The following DMD variants were observed in gnomAD, a reference collection of about 807,000 sequenced individuals.
DMD encodes dystrophin, also known as mutant dystrophin.
Under a neutral mutation model 330.1 loss-of-function variants are expected in DMD, and 63 were observed. That is an observed-to-expected ratio of 0.19 (90% CI 0.16 to 0.24). The LOEUF is 0.24. DMD is among the 10% of genes least tolerant of loss of function. The pLI, the probability that DMD is intolerant of heterozygous loss-of-function variation, is 1.00. For synonymous variants in DMD, 1,223 were observed against 959.8 expected (o/e 1.27, Z -5.07); for missense variants, 3,344 against 2,684.1 (o/e 1.25, Z -5.43).
chrX:31,260,085 T>C (rs1211860136), intron 63 of DMD, among the ~76,000 whole-genome samples: 1 of 110,931 alleles, frequency 9.0e-6, no homozygotes, highest in Non-Finnish European at 1.9e-5. Flanking sequence ...AAAATAAATT[T>C]TAAAAATGAG....
chrX:32,509,787 T>A (rs1164640679), intron 18 of DMD, among the ~76,000 whole-genome samples: 1 of 111,976 alleles, frequency 8.9e-6, no homozygotes, highest in Non-Finnish European at 1.9e-5. Flanking sequence ...CCTTTGCAGG[T>A]TCCTAATCAT....
chrX:32,717,103 G>T (rs2065812392), intron 7 of DMD, among the ~76,000 whole-genome samples: 1 of 110,998 alleles, frequency 9.0e-6, no homozygotes, highest in Non-Finnish European at 1.9e-5. Context: ...TTCTCGGGGT[G>T]GTGGGGGAAA....
At chrX:31,894,570 A>G (rs1165830519) in intron 47 of DMD, among the ~76,000 whole-genome samples, 1 of 112,001 alleles carries the variant, frequency 8.9e-6, no homozygotes, top group Admixed American at 9.5e-5. Context: ...GGGCATCTTT[A>G]TAATATTTGT....
At chrX:32,871,090 C>T (rs1280087933) in intron 2 of DMD, among the ~76,000 whole-genome samples, 2 of 109,276 alleles carry the variant, frequency 1.8e-5, no homozygotes, top group Non-Finnish European at 3.8e-5. Context: ...CCGTAAGCTT[C>T]GACCTCAGCC....
chrX:31,904,780 C>T (rs777628615), intron 47 of DMD, among the ~76,000 whole-genome samples: 1 of 111,368 alleles, frequency 9.0e-6, no homozygotes, highest in African/African-American at 3.3e-5. Context: ...TGAGAGACCC[C>T]GAAGCAAAGA....
rs191504485 is a variant in DMD at position 31,952,698 on chromosome X, G to A, written c.6614+15641C>T. On this transcript the variant is annotated intron_variant, in intron 45 of 78. Coordinates refer to ENST00000357033, the MANE Select transcript of DMD (RefSeq NM_004006.3). ...TTTAAGTCTCTATCTGCCAATACCTGGGCCAATTCAGAGACAACTTTTGTT... is the reference window on the plus strand; with the variant it reads ...TTTAAGTCTCTATCTGCCAATACCTAGGCCAATTCAGAGACAACTTTTGTT... Among the ~76,000 whole-genome samples, 20 of 111,587 alleles carry A rather than the reference G, an allele frequency of 1.8e-4. 1 individual carries two copies. In the Admixed American group the frequency reaches 1.9e-3, roughly 11 times the overall value.
intron 50 of DMD, among the ~76,000 whole-genome samples, chrX:31,813,163 C>A (rs1029878441): frequency 2.7e-5 from 3 of 111,958 alleles, no homozygotes; most frequent in African/African-American, 9.7e-5. Flanking sequence ...GCCTACACAT[C>A]GGAAGGAAGC....
chrX:32,895,537 G>C (rs1336467555), intron 2 of DMD, among the ~76,000 whole-genome samples: 1 of 111,500 alleles, frequency 9.0e-6, no homozygotes, highest in Non-Finnish European at 1.9e-5. Flanking sequence ...AAGGGTCAAG[G>C]GTTTGGGTTT....
intron 73 of DMD, among the ~76,000 whole-genome samples, chrX:31,169,855 A>G (rs1030547312): frequency 8.9e-6 from 1 of 112,016 alleles, no homozygotes; most frequent in African/African-American, 3.2e-5. Flanking sequence ...GATAAATGAA[A>G]GGCAGAATTA....
intron 44 of DMD, among the ~76,000 whole-genome samples, chrX:32,074,117 CAT>C (rs2096324005): frequency 9.0e-6 from 1 of 111,213 alleles, no homozygotes; most frequent in African/African-American, 3.3e-5. Context: ...ATAAAAACCA[CAT>C]GACATCAAAA....
intron 2 of DMD, among the ~76,000 whole-genome samples, chrX:32,944,617 T>C (rs2090661299): frequency 9.1e-6 from 1 of 109,491 alleles, no homozygotes; most frequent in Non-Finnish European, 1.9e-5. Flanking sequence ...ATTTTTTTTT[T>C]TTTTTTATAC....
chrX:31,442,198 C>T (rs886850467), intron 60 of DMD, among the ~76,000 whole-genome samples: 1 of 111,767 alleles, frequency 8.9e-6, no homozygotes, highest in Non-Finnish European at 1.9e-5. Flanking sequence ...GTGTATCTCC[C>T]CCAGATATCT....
chrX:32,381,359 G>C (rs950272129), intron 33 of DMD, among the ~76,000 whole-genome samples: 16 of 111,362 alleles, frequency 1.4e-4, no homozygotes, highest in African/African-American at 5.2e-4. Flanking sequence ...CTCAGTGTTT[G>C]ATACCAACAC....
At chrX:33,120,040 T>C (rs1392509856) in intron 1 of DMD, among the ~76,000 whole-genome samples, 3 of 111,548 alleles carry the variant, frequency 2.7e-5, no homozygotes, top group African/African-American at 9.8e-5. Context: ...CCGTGTGAGT[T>C]TCCTCACCCT....
chrX:32,152,659 A>G (rs1174165652), intron 44 of DMD, among the ~76,000 whole-genome samples: 1 of 111,789 alleles, frequency 8.9e-6, no homozygotes, highest in Non-Finnish European at 1.9e-5. Context: ...GCCCTTAAAC[A>G]TTTGTTTTAA....
In DMD at chrX:31,139,686, G is replaced by T. The variant is rs1414877035; in HGVS notation, c.10922-5492C>A. On this transcript the variant is annotated intron_variant, in intron 76 of 78. Coordinates refer to ENST00000357033, the MANE Select transcript of DMD (RefSeq NM_004006.3). ...TGCAAAGGCATGAGAATGATACCATGGACTCTGGGGACTTGGGGGGAAGGG... is the reference window on the plus strand; with the variant it reads ...TGCAAAGGCATGAGAATGATACCATTGACTCTGGGGACTTGGGGGGAAGGG... Among the ~76,000 whole-genome samples the T allele has an allele frequency of 5.7e-5, 6 of 104,432 alleles. No individual in the cohort carries two copies. In the East Asian group the frequency reaches 1.8e-3, roughly 32 times the overall value. The allele number at this position is 104,432 out of a possible 115,157, so 90.7% of individuals were successfully genotyped here. A position where few individuals can be genotyped will look rare whatever the true frequency, so the allele number is the denominator to read the frequency against.
intron 47 of DMD, among the ~76,000 whole-genome samples, chrX:31,922,547 G>T (rs527922683): frequency 3.8e-5 from 4 of 106,051 alleles, no homozygotes; most frequent in Non-Finnish European, 7.7e-5. Context: ...CGCTAGGGGG[G>T]TGCAGAGGAG....
intron 55 of DMD, among the ~76,000 whole-genome samples, chrX:31,588,457 G>GA (rs2076713061): frequency 9.0e-6 from 1 of 111,309 alleles, no homozygotes; most frequent in African/African-American, 3.3e-5. Flanking sequence ...TTACAGCCAG[G>GA]AAATTTTGGA....
At chrX:32,505,740 T>C (rs1410076266) in intron 18 of DMD, among the ~76,000 whole-genome samples, 1 of 112,135 alleles carries the variant, frequency 8.9e-6, no homozygotes. Context: ...TGCCAAGACT[T>C]GGAAACAATC....
Sources: allele counts gnomAD v4.1 joint callset (sites outside exome capture counted in the v4.1 genomes callset), GRCh38; gene constraint gnomAD v4.1.1; transcripts MANE v1.5; gene names NCBI Gene and HGNC (gene_info 2026-07-23, HGNC 2026-07-21).